CAPS2: variants seen among roughly 807,000 people sequenced by gnomAD.
CAPS2 encodes the protein calcyphosine 2.
In CAPS2, 98 loss-of-function variants were observed where a neutral mutation model predicts 86.5. The observed-to-expected ratio is 1.13, with a 90% confidence interval of 0.96 to 1.34. CAPS2 has a LOEUF of 1.34. Among genes scored for constraint, CAPS2 ranks in the 40% most tolerant of loss-of-function variants. The pLI is 0.00. For synonymous variants in CAPS2, 210 were observed against 225.1 expected, an observed-to-expected ratio of 0.93 and a Z score of 0.60; for missense variants, 729 against 686.8, an observed-to-expected ratio of 1.06 and a Z score of -0.69.
intron 1 of CAPS2, chr12:75,370,346 G>A (rs1433684858): frequency 2.0e-6 from 1 of 496,758 alleles, no homozygotes. Flanking sequence ...TATGGAAAAT[G>A]GATAGCAGTA....
At chr12:75,293,334 G>A in exon 12 of CAPS2, 1 of 1,611,932 alleles carries the variant, frequency 6.2e-7, no homozygotes, top group Non-Finnish European at 8.5e-7. Flanking sequence ...GGAAGGCTGA[G>A]ATGATCAGAA....
intron 5 of CAPS2, among the ~76,000 whole-genome samples, chr12:75,320,771 T>A (rs2040224970): frequency 6.6e-6 from 1 of 151,580 alleles, no homozygotes; most frequent in African/African-American, 2.4e-5. Context: ...TTATGGCCAC[T>A]AGTATCATGT....
chr12:75,307,116 G>C (rs1357516562), intron 7 of CAPS2, among the ~76,000 whole-genome samples: 1 of 152,138 alleles, frequency 6.6e-6, no homozygotes, highest in African/African-American at 2.4e-5. Flanking sequence ...TTCAATCCTT[G>C]CCTGCCGCGA....
At chr12:75,277,736 A>C in exon 17 of CAPS2, 1 of 834,052 alleles carries the variant, frequency 1.2e-6, no homozygotes. Context: ...TACAAAGTAA[A>C]TATTTTCATT....
At chr12:75,312,589 ATTAG>A (rs1433834167) in intron 7 of CAPS2, among the ~76,000 whole-genome samples, 2 of 152,194 alleles carry the variant, frequency 1.3e-5, no homozygotes, top group Non-Finnish European at 2.9e-5. Flanking sequence ...TTAAATGGTC[ATTAG>A]TTGTTAGGAA....
chr12:75,301,881 T>G (rs2037861561), intron 8 of CAPS2, among the ~76,000 whole-genome samples: 1 of 152,210 alleles, frequency 6.6e-6, no homozygotes, highest in Non-Finnish European at 1.5e-5. Context: ...GAACCCAAGT[T>G]CTCTACCAAT....
At chr12:75,317,371 G>A (rs759084737) in intron 5 of CAPS2, among the ~76,000 whole-genome samples, 3 of 151,918 alleles carry the variant, frequency 2.0e-5, no homozygotes, top group African/African-American at 7.2e-5. Flanking sequence ...TCTAAATAGC[G>A]ATTTATTTAA....
chr12:75,388,384 C>A (rs913189536), intron 1 of CAPS2, among the ~76,000 whole-genome samples: 11 of 152,084 alleles, frequency 7.2e-5, no homozygotes, highest in African/African-American at 2.7e-4. Context: ...CTAGAATCAG[C>A]CAACATGTCC....
At chr12:75,339,668 A>G (rs979046919) in intron 1 of CAPS2, among the ~76,000 whole-genome samples, 1 of 152,098 alleles carries the variant, frequency 6.6e-6, no homozygotes, top group Non-Finnish European at 1.5e-5. Flanking sequence ...GCCCGTGCCT[A>G]TGTCCTGAAT....
chr12:75,377,840 G>GTTAT (rs371919055), intron 1 of CAPS2, among the ~76,000 whole-genome samples: 2 of 146,986 alleles, frequency 1.4e-5, no homozygotes, highest in Non-Finnish European at 3.0e-5. Flanking sequence ...AACCATCACA[G>GTTAT]ATATATATAT....
chr12:75,284,163 A>C (rs911828064), intron 15 of CAPS2, among the ~76,000 whole-genome samples: 3 of 152,214 alleles, frequency 2.0e-5, no homozygotes, highest in Admixed American at 6.6e-5. Flanking sequence ...AAGGACATGG[A>C]AAGTACGAAT....
chr12:75,387,363 A>G (rs1461696400), intron 1 of CAPS2, among the ~76,000 whole-genome samples: 1 of 152,154 alleles, frequency 6.6e-6, no homozygotes, highest in Non-Finnish European at 1.5e-5. Context: ...AAATACCACT[A>G]CACACCTTTT....
At chr12:75,280,576 A>G (rs945016040) in intron 16 of CAPS2, among the ~76,000 whole-genome samples, 1 of 151,916 alleles carries the variant, frequency 6.6e-6, no homozygotes, top group Non-Finnish European at 1.5e-5. Context: ...AAAAAAATAC[A>G]TGATGTTAAA....
intron 1 of CAPS2, chr12:75,374,035 T>A (rs368879907): frequency 1.3e-5 from 2 of 152,196 alleles, no homozygotes; most frequent in South Asian, 4.1e-4. Context: ...CCAAGAGCTT[T>A]CTCTCAAAAT....
chr12:75,334,647 CGGGGGCGTG>C, upstream of CAPS2: 1 of 1,548,440 alleles, frequency 6.5e-7, no homozygotes, highest in Non-Finnish European at 8.7e-7. Context: ...GAGCGTGGTG[CGGGGGCGTG>C]GGGAAATCGG....
At chr12:75,356,455 T>C (rs1332755811) in intron 1 of CAPS2, among the ~76,000 whole-genome samples, 2 of 152,204 alleles carry the variant, frequency 1.3e-5, no homozygotes, top group Non-Finnish European at 2.9e-5. Context: ...TTCTAATCCA[T>C]GTGAAGTGCG....
At chr12:75,379,728 A>C (rs2044854707) in intron 1 of CAPS2, among the ~76,000 whole-genome samples, 1 of 152,148 alleles carries the variant, frequency 6.6e-6, no homozygotes, top group Non-Finnish European at 1.5e-5. Context: ...TCAAAATATG[A>C]AACAAAGAAA....
chr12:75,334,879 C>T, upstream of CAPS2: 1 of 1,614,066 alleles, frequency 6.2e-7, no homozygotes, highest in Non-Finnish European at 8.5e-7. Context: ...AGTCAACCCT[C>T]CCGCGGCCGA....
intron 8 of CAPS2, among the ~76,000 whole-genome samples, chr12:75,302,389 A>C (rs781511933): frequency 6.6e-6 from 1 of 152,256 alleles, no homozygotes; most frequent in Non-Finnish European, 1.5e-5. Flanking sequence ...TGGCATGCAT[A>C]TAAATATGTC....
Sources: gnomAD v4.1 joint callset for allele counts (sites outside exome capture counted in the v4.1 genomes callset) on GRCh38, gnomAD v4.1.1 for gene constraint, MANE v1.5 for transcripts, NCBI Gene and HGNC (gene_info 2026-07-23, HGNC 2026-07-21) for gene names.